The following JAK1 variants were observed in gnomAD, a reference collection of about 807,000 sequenced individuals.
The protein encoded by JAK1 is Janus kinase 1.
JAK1 carries 16 observed loss-of-function variants against 136.6 expected under a neutral mutation model. That is an observed-to-expected ratio of 0.12 (90% CI 0.08 to 0.18). The LOEUF is 0.18. Among genes scored for constraint, JAK1 ranks in the 10% least tolerant of loss-of-function variants. JAK1 has a pLI of 1.00. For synonymous variants in JAK1, 492 were observed against 519.5 expected, an observed-to-expected ratio of 0.95 and a Z score of 0.72; for missense variants, 859 against 1,450.1, an observed-to-expected ratio of 0.59 and a Z score of 6.62.
chr1:64,864,687 T>C, intron 8 of JAK1, 100 bp downstream of exon 8: 2 of 983,788 alleles, frequency 2.0e-6, no homozygotes, highest in Non-Finnish European at 3.0e-6. Context: ...GTTTTCTCTT[T>C]AGGACAGGAA....
intron 1 of JAK1, among the ~76,000 whole-genome samples, chr1:64,887,864 A>C (rs1386813708): frequency 6.6e-6 from 1 of 152,194 alleles, no homozygotes; most frequent in Non-Finnish European, 1.5e-5. Flanking sequence ...CCGTTGCTTG[A>C]ACAGGAAAAC....
chr1:64,908,044 A>C (rs1184148216), intron 1 of JAK1, among the ~76,000 whole-genome samples: 1 of 152,192 alleles, frequency 6.6e-6, no homozygotes, highest in Non-Finnish European at 1.5e-5. Flanking sequence ...TGAAACTGGT[A>C]AAGAAAAAAA....
Position 64,888,306 on chromosome 1 carries a change from C to T in JAK1, c.-77-1965G>A, listed in dbSNP as rs186519526. Among the ~76,000 whole-genome samples, 6 of 152,240 alleles carry T rather than the reference C, an allele frequency of 3.9e-5. No individual in the cohort carries two copies. In the East Asian group the frequency reaches 9.7e-4, roughly 25 times the overall value. ...AAGTGATTCTCATGCCTCAGCCTCC[C>T]GAGTAGCTGGGACTACAGGCATGCG... On this transcript the variant is annotated intron_variant, in intron 1 of 24. Coordinates refer to ENST00000342505, the MANE Select transcript of JAK1 (RefSeq NM_002227.4).
At chr1:65,002,921 G>T (rs1422126687) in intron 2 of JAK1, among the ~76,000 whole-genome samples, 1 of 152,158 alleles carries the variant, frequency 6.6e-6, no homozygotes, top group Non-Finnish European at 1.5e-5. Context: ...TCCCGGCGGG[G>T]AAGCGATGCT....
intron 2 of JAK1, among the ~76,000 whole-genome samples, chr1:65,040,690 A>G (rs1647123748): frequency 6.6e-6 from 1 of 151,982 alleles, no homozygotes; most frequent in Admixed American, 6.6e-5. Context: ...GGCCTTCCCC[A>G]TCCCACTCAC....
At chr1:64,839,364 C>T (rs888204450) in intron 20 of JAK1, 8 of 415,434 alleles carry the variant, frequency 1.9e-5, no homozygotes, top group African/African-American at 8.1e-5. Context: ...GTGCAAGTGA[C>T]GTGGAGAGAC....
At chr1:65,014,491 C>T (rs1339531286) in intron 2 of JAK1, among the ~76,000 whole-genome samples, 2 of 152,018 alleles carry the variant, frequency 1.3e-5, no homozygotes, top group East Asian at 1.9e-4. Flanking sequence ...AAAATTCTCA[C>T]TCAAATTCAT....
At chr1:64,852,682 G>A (rs1273351307) in intron 11 of JAK1, among the ~76,000 whole-genome samples, 4 of 152,184 alleles carry the variant, frequency 2.6e-5, no homozygotes, top group Non-Finnish European at 5.9e-5. Context: ...ATGGCACCAG[G>A]GTTAACAATG....
At chr1:64,944,221 CAAAAAA>C (rs771660692) in intron 1 of JAK1, among the ~76,000 whole-genome samples, 3 of 63,396 alleles carry the variant, frequency 4.7e-5, no homozygotes, top group African/African-American at 1.6e-4. Flanking sequence ...GACTCTGTCT[CAAAAAA>C]AAAAAAAAAA....
In JAK1 at chr1:65,000,873, G is replaced by A. The variant is rs1166380282; in HGVS notation, c.-78+43607C>T. Among the ~76,000 whole-genome samples, 3 of 151,688 alleles carry A rather than the reference G, an allele frequency of 2.0e-5. No homozygotes were observed. In the East Asian group the frequency reaches 5.8e-4, roughly 29 times the overall value. On this transcript the variant is annotated intron_variant, in intron 2 of 25. Coordinates refer to the JAK1 transcript ENST00000671954. ...GGGTTTTTTTTTTGGTGGGGGGGCG[G>A]TTGGATTTTTGTTTTGTTTTGTTTT...
At chr1:65,022,693 T>C (rs1646946834) in intron 2 of JAK1, among the ~76,000 whole-genome samples, 1 of 152,334 alleles carries the variant, frequency 6.6e-6, no homozygotes, top group East Asian at 1.9e-4. Flanking sequence ...TTTTAGACTT[T>C]AACATAGTCA....
chr1:65,054,759 T>C lies in JAK1; in HGVS notation c.-180-10177A>G, dbSNP rs1043555064. 2.7e-5 allele frequency among the ~76,000 whole-genome samples: 3 copies of C among 109,314 alleles called. No homozygotes were observed. The Admixed American group carries it at 3.1e-4, about 11-fold the overall frequency. The allele number at this position is 109,314 out of a possible 152,430, so 71.7% of individuals were successfully genotyped here. ...GTCCACGCCTTTTTCTCATTGTTTT[T>C]AATATTCATTGCTACTATATTGAGT... On this transcript the variant is annotated intron_variant, in intron 1 of 25. Transcript: ENST00000671954.
chr1:64,985,274 G>A, intron 2 of JAK1: 1 of 1,608,894 alleles, frequency 6.2e-7, no homozygotes, highest in Non-Finnish European at 8.5e-7. Context: ...GCTGGAGCAT[G>A]ATGGAAATGA....
rs773295622 is a variant in JAK1, at chr1:64,867,141, G to T, written c.715C>A (p.Arg239=). The change falls in exon 7 of 25, where the codon CGG becomes AGG. Residue 239 remains arginine, a synonymous_variant. Transcript: ENST00000342505. ...AAATCCTTGAAAACATTATTTATCC[G>T]CATCCTGGTGAGAAGGTTCCTCTGT... is the stretch of plus-strand genomic sequence containing the variant. ...IRQRNLLTRM[R]INNVFKDFLK... is the part of the protein sequence containing the mutation. 9 of 1,612,334 alleles carry T rather than the reference G, an allele frequency of 5.6e-6. No homozygotes were observed. Among genetic ancestry groups the T allele is most frequent in the African/African-American group, 1.3e-5 (1 of 74,920 alleles).
chr1:64,996,074 A>G (rs1296979669), intron 2 of JAK1, among the ~76,000 whole-genome samples: 1 of 152,114 alleles, frequency 6.6e-6, no homozygotes. Context: ...CTTTCCTTCA[A>G]AATAATCATT....
chr1:65,036,072 GA>G lies in JAK1; in HGVS notation c.-78+8407del, dbSNP rs1360194378. Among the ~76,000 whole-genome samples the G allele has an allele frequency of 2.6e-5, 4 of 151,816 alleles. No individual in the cohort carries two copies. The South Asian group carries it at 6.2e-4, about 24-fold the overall frequency. ...GACAGAGACTCTCTCTCAAAAAAAA[GA>G]AAAGAAAAGAGTGACAGTTTGGGAT... On this transcript the variant is annotated intron_variant, in intron 2 of 25. Transcript: ENST00000671954.
chr1:64,985,171 T>A (rs1646586731), intron 2 of JAK1: 1 of 1,422,104 alleles, frequency 7.0e-7, no homozygotes, highest in African/African-American at 1.4e-5. Flanking sequence ...CCCACACCAA[T>A]GGTGACACAG....
intron 12 of JAK1, 76 bp downstream of exon 12, chr1:64,850,728 T>G: frequency 1.1e-6 from 1 of 943,410 alleles, no homozygotes; most frequent in Non-Finnish European, 1.7e-6. Flanking sequence ...CAGCCTTCCT[T>G]CCCCCAGATC....
At chr1:64,841,653 T>C (rs748637567) in intron 17 of JAK1, 52 bp from the exon 18 acceptor site, 4 of 1,599,562 alleles carry the variant, frequency 2.5e-6, no homozygotes, top group Non-Finnish European at 3.4e-6. Flanking sequence ...CCTACAAACT[T>C]CTCAGCCCCA....
Sources: gnomAD v4.1 joint callset for allele counts (sites outside exome capture counted in the v4.1 genomes callset) on GRCh38, gnomAD v4.1.1 for gene constraint, MANE v1.5 for transcripts, NCBI Gene and HGNC (gene_info 2026-07-23, HGNC 2026-07-21) for gene names.